The following VAX2 variants were observed in gnomAD, a reference collection of about 807,000 sequenced individuals.
VAX2 encodes the protein ventral anterior homeobox 2.
A neutral mutation model predicts 12.5 loss-of-function variants in VAX2; 8 were observed. That is an observed-to-expected ratio of 0.64 (90% CI 0.37 to 1.15). VAX2 has a LOEUF of 1.15. VAX2 is among the 50% of genes most tolerant of loss of function. The pLI is 0.01. For missense variants in VAX2, 476 were observed against 412.9 expected, an observed-to-expected ratio of 1.15 and a Z score of -1.32; for synonymous variants, 183 against 187.6, an observed-to-expected ratio of 0.98 and a Z score of 0.20.
chr2:70,907,907 T>G (rs1482547489), intron 1 of VAX2, among the ~76,000 whole-genome samples: 1 of 152,234 alleles, frequency 6.6e-6, no homozygotes, highest in Admixed American at 6.5e-5. Flanking sequence ...TAATCTGCAG[T>G]GATCATCTTC....
chr2:70,917,475 T>C (rs4852730), intron 1 of VAX2, among the ~76,000 whole-genome samples: 121,616 of 152,008 alleles, frequency 0.8, 49,288 homozygotes, highest in African/African-American at 0.94. Flanking sequence ...TTTCCATTCC[T>C]ACCAGCAATG....
chr2:70,901,982 C>A (rs899700615), intron 1 of VAX2, among the ~76,000 whole-genome samples: 1 of 152,252 alleles, frequency 6.6e-6, no homozygotes, highest in Non-Finnish European at 1.5e-5. Flanking sequence ...CTCGGGAGAG[C>A]CACTGGGCCT....
intron 1 of VAX2, among the ~76,000 whole-genome samples, chr2:70,903,682 G>A (rs1572884914): frequency 6.6e-6 from 1 of 152,190 alleles, no homozygotes; most frequent in South Asian, 2.1e-4. Context: ...ATAAATATTT[G>A]TTGACAGAAG....
intron 2 of VAX2, among the ~76,000 whole-genome samples, chr2:70,925,152 G>A (rs1553413365): frequency 1.3e-5 from 2 of 152,192 alleles, no homozygotes; most frequent in South Asian, 2.1e-4. Context: ...AGGATCATGC[G>A]ATGCTTAGAG....
chr2:70,900,851 G>C lies in VAX2; in HGVS notation c.230G>C (p.Arg77Pro). The change falls in exon 1 of 3, where the codon CGC becomes CCC. Residue 77 changes from arginine (R) to proline (P), a missense_variant. By Grantham distance (103) the Arg-to-Pro change is moderately radical. Transcript: ENST00000234392. ...QPGPGEADHC[R>P]RILVRDAKGT... ...GGGCCCGGCGAGGCAGACCACTGCCGCCGCATACTGGTGCGAGGTAAGGGG... is the reference window on the plus strand; with the variant it reads ...GGGCCCGGCGAGGCAGACCACTGCCCCCGCATACTGGTGCGAGGTAAGGGG... The C allele has an allele frequency of 7.0e-7, 1 of 1,434,600 alleles. No individual in the cohort carries two copies. The highest frequency in any genetic ancestry group is 9.2e-7 in the Non-Finnish European group (1 of 1,090,856). The allele number at this position is 1,434,600 out of a possible 1,614,324, so 88.9% of individuals were successfully genotyped here. A position where few individuals can be genotyped will look rare whatever the true frequency, so the allele number is the denominator to read the frequency against.
At chr2:70,913,703 A>G (rs143886077) in intron 1 of VAX2, among the ~76,000 whole-genome samples, 3,340 of 151,676 alleles carry the variant, frequency 0.022, 125 homozygotes, top group African/African-American at 0.077. Flanking sequence ...AAATAAATAA[A>G]TAAATAAATA....
At chr2:70,928,491 G>A (rs1679621343) in intron 2 of VAX2, among the ~76,000 whole-genome samples, 1 of 152,124 alleles carries the variant, frequency 6.6e-6, no homozygotes, top group Non-Finnish European at 1.5e-5. Flanking sequence ...TGCTCCATCT[G>A]CCTCTGACTT....
At chr2:70,924,942 G>C (rs1679536320) in intron 2 of VAX2, among the ~76,000 whole-genome samples, 1 of 152,180 alleles carries the variant, frequency 6.6e-6, no homozygotes, top group African/African-American at 2.4e-5. Context: ...GGTGTTCAGG[G>C]AAGGCCTCTT....
chr2:70,913,288 T>C lies in VAX2; in HGVS notation c.248-7810T>C, dbSNP rs550522733. On this transcript the variant is annotated intron_variant, in intron 1 of 2. Transcript: ENST00000234392. ...ACTCTCTGGTTATTGGGTTTTGTTATTTAGGGCAGGGATGGTAATATCCCC... is the reference window on the plus strand; with the variant it reads ...ACTCTCTGGTTATTGGGTTTTGTTACTTAGGGCAGGGATGGTAATATCCCC... Among the ~76,000 whole-genome samples, 202 of 152,354 alleles carry C rather than the reference T, an allele frequency of 1.3e-3. 1 individual carries two copies. The highest frequency in any genetic ancestry group is 4.7e-3 in the African/African-American group (194 of 41,586).
chr2:70,911,292 T>C (rs1679179208), intron 1 of VAX2, among the ~76,000 whole-genome samples: 1 of 152,210 alleles, frequency 6.6e-6, no homozygotes, highest in Non-Finnish European at 1.5e-5. Context: ...CTCATTCTTG[T>C]TAATGTTTAC....
At chr2:70,920,272 G>A (rs1553412616) in intron 1 of VAX2, among the ~76,000 whole-genome samples, 1 of 152,064 alleles carries the variant, frequency 6.6e-6, no homozygotes, top group Non-Finnish European at 1.5e-5. Context: ...AGTATATGTG[G>A]GTCACACATG....
At chr2:70,932,240 T>G (rs1371749097) in intron 2 of VAX2, among the ~76,000 whole-genome samples, 2 of 152,108 alleles carry the variant, frequency 1.3e-5, no homozygotes, top group African/African-American at 2.4e-5. Flanking sequence ...AAGCCTCTGT[T>G]TGGAGGACAG....
intron 1 of VAX2, among the ~76,000 whole-genome samples, chr2:70,901,432 C>G (rs1387907258): frequency 2.6e-5 from 4 of 152,262 alleles, no homozygotes; most frequent in African/African-American, 9.6e-5. Flanking sequence ...GCCCGCTGTG[C>G]TTCACTCTCT....
chr2:70,927,214 C>A (rs1325049101), intron 2 of VAX2, among the ~76,000 whole-genome samples: 1 of 151,852 alleles, frequency 6.6e-6, no homozygotes, highest in Non-Finnish European at 1.5e-5. Context: ...TACCAGGGTC[C>A]AAGTAGGACA....
At position 70,932,479 on chromosome 2, in the gene VAX2, C is replaced by T. The variant is rs55796815; in HGVS notation, c.436-288C>T. Among the ~76,000 whole-genome samples, 888 of 152,114 alleles carry T rather than the reference C, an allele frequency of 5.8e-3. 3 individuals carry two copies. The highest frequency in any genetic ancestry group is 0.038 in the South Asian group (184 of 4,820). The stretch of plus-strand genomic sequence containing the variant: ...CTCCCAAACTCCATTCTCTGTCTGT[C>T]GATCCATTCCTCCATCCTAGGCCAG... On this transcript the variant is annotated intron_variant, in intron 2 of 2. Transcript: ENST00000234392.
Position 70,901,001 on chromosome 2 carries a change from A to C in VAX2, c.247+133A>C, listed in dbSNP as rs551038950. On this transcript the variant is annotated intron_variant, in intron 1 of 2. Transcript: ENST00000234392. ...CGTCATCCAGTCATTCATTCAGCAA[A>C]TATTATTTTGAGCGTCTATTGTGTG... 37 of 1,007,360 alleles carry C rather than the reference A, an allele frequency of 3.7e-5. No individual in the cohort carries two copies. In the African/African-American group the frequency reaches 5.0e-4, roughly 14 times the overall value. The allele number at this position is 1,007,360 out of a possible 1,614,324, so 62.4% of individuals were successfully genotyped here.
intron 1 of VAX2, among the ~76,000 whole-genome samples, chr2:70,907,349 GCT>G (rs1679083837): frequency 6.6e-6 from 1 of 151,958 alleles, no homozygotes. Flanking sequence ...GAGTCTCCCG[GCT>G]TTCGGCTTTC....
chr2:70,917,729 G>A (rs957786229), intron 1 of VAX2, among the ~76,000 whole-genome samples: 3 of 136,528 alleles, frequency 2.2e-5, no homozygotes, highest in African/African-American at 8.7e-5. Flanking sequence ...GCTGCACTTG[G>A]CTGCTCCCTG....
intron 1 of VAX2, among the ~76,000 whole-genome samples, chr2:70,916,459 C>T (rs187758094): frequency 6.6e-6 from 1 of 152,260 alleles, no homozygotes; most frequent in African/African-American, 2.4e-5. Context: ...CATGTCACCA[C>T]CACCACAGCC....
Sources: gnomAD v4.1 joint callset for allele counts (sites outside exome capture counted in the v4.1 genomes callset) on GRCh38, gnomAD v4.1.1 for gene constraint, MANE v1.5 for transcripts, NCBI Gene and HGNC (gene_info 2026-07-23, HGNC 2026-07-21) for gene names.